Variants in ZCCHC7 observed in about 807,000 individuals in gnomAD.
ZCCHC7 encodes zinc finger CCHC domain-containing protein 7.
In ZCCHC7, 35 loss-of-function variants were observed where a neutral mutation model predicts 52.0. The ratio of observed to expected loss-of-function variants is 0.67; its 90% CI spans 0.51 to 0.89. ZCCHC7 has a LOEUF of 0.89. Ranked by LOEUF, ZCCHC7 falls within the 40% of genes least tolerant of loss-of-function variation. The pLI is 0.00. For missense variants in ZCCHC7, 574 were observed against 649.1 expected (o/e 0.88, Z 1.26); for synonymous variants, 217 against 221.5 (o/e 0.98, Z 0.18).
At chr9:37,342,781 G>A (rs761583789) in intron 6 of ZCCHC7, among the ~76,000 whole-genome samples, 4 of 152,150 alleles carry the variant, frequency 2.6e-5, no homozygotes, top group African/African-American at 9.7e-5. Context: ...TATTATTCCC[G>A]TTTTACAGAT....
intron 5 of ZCCHC7, among the ~76,000 whole-genome samples, chr9:37,310,498 C>T (rs748016308): frequency 3.9e-5 from 6 of 152,146 alleles, no homozygotes; most frequent in Non-Finnish European, 7.3e-5. Flanking sequence ...ATTTAATCCT[C>T]ATAAGCAGGA....
At chr9:37,200,983 G>A (rs1326612443) in intron 2 of ZCCHC7, among the ~76,000 whole-genome samples, 1 of 152,246 alleles carries the variant, frequency 6.6e-6, no homozygotes, top group Non-Finnish European at 1.5e-5. Flanking sequence ...GTGAGGGAAG[G>A]ACAGTGGAGG....
At chr9:37,330,332 T>C (rs1462448524) in intron 6 of ZCCHC7, among the ~76,000 whole-genome samples, 1 of 151,734 alleles carries the variant, frequency 6.6e-6, no homozygotes, top group Non-Finnish European at 1.5e-5. Flanking sequence ...ACAACCTGTA[T>C]ATGAATATAA....
chr9:37,160,852 C>T (rs374187262), intron 2 of ZCCHC7, among the ~76,000 whole-genome samples: 1 of 152,106 alleles, frequency 6.6e-6, no homozygotes, highest in Non-Finnish European at 1.5e-5. Context: ...TGCCATTGCA[C>T]TCTATCCTAG....
Position 37,305,725 on chromosome 9 carries a change from T to C in ZCCHC7, c.951+11T>C, listed in dbSNP as rs1340652579. The C allele has an allele frequency of 6.2e-7, 1 of 1,610,164 alleles. No homozygotes were observed. Among genetic ancestry groups the C allele is most frequent in the Admixed American group, 1.7e-5 (1 of 59,878 alleles). On this transcript the variant is annotated intron_variant, in intron 5 of 8. Coordinates refer to ENST00000336755, the MANE Select transcript of ZCCHC7 (RefSeq NM_032226.3). ...GGCCACTATACAGATGTGAGTATCCTGCATATAACTAATTTGTCAGGCTTT... is the reference window on the plus strand; with the variant it reads ...GGCCACTATACAGATGTGAGTATCCCGCATATAACTAATTTGTCAGGCTTT...
chr9:37,229,160 A>T (rs1717864217), intron 2 of ZCCHC7, among the ~76,000 whole-genome samples: 1 of 152,144 alleles, frequency 6.6e-6, no homozygotes, highest in Non-Finnish European at 1.5e-5. Context: ...TACATTGATA[A>T]TTTAATATTA....
chr9:37,256,091 C>T (rs879556783), intron 2 of ZCCHC7, among the ~76,000 whole-genome samples: 3 of 152,104 alleles, frequency 2.0e-5, no homozygotes, highest in Non-Finnish European at 2.9e-5. Flanking sequence ...GGATAAAATG[C>T]CATTTCTGAC....
intron 2 of ZCCHC7, among the ~76,000 whole-genome samples, chr9:37,291,985 G>A (rs1047494400): frequency 5.3e-5 from 8 of 152,238 alleles, no homozygotes; most frequent in East Asian, 1.9e-4. Context: ...GAGCCACTGC[G>A]CCTGGCCATG....
At chr9:37,197,930 A>G (rs535332350) in intron 2 of ZCCHC7, among the ~76,000 whole-genome samples, 2 of 152,288 alleles carry the variant, frequency 1.3e-5, no homozygotes, top group Non-Finnish European at 2.9e-5. Context: ...GTCATCATGA[A>G]TAATTGTTGA....
chr9:37,138,787 C>T (rs1286416236), intron 2 of ZCCHC7, among the ~76,000 whole-genome samples: 6 of 147,762 alleles, frequency 4.1e-5, no homozygotes, highest in African/African-American at 1.5e-4. Context: ...ATCCTGATGT[C>T]TTTTTAAGTG....
At chr9:37,315,441 C>CGT (rs1829774525) in intron 5 of ZCCHC7, among the ~76,000 whole-genome samples, 1 of 94,014 alleles carries the variant, frequency 1.1e-5, no homozygotes, top group Admixed American at 9.3e-5. Context: ...TAAAAAAAAT[C>CGT]ATAAGCAATA....
intron 2 of ZCCHC7, among the ~76,000 whole-genome samples, chr9:37,192,182 A>G (rs891318099): frequency 1.3e-5 from 2 of 152,048 alleles, no homozygotes; most frequent in Non-Finnish European, 2.9e-5. Flanking sequence ...AGTTTCTCTC[A>G]TATAGGAATT....
At chr9:37,303,291 G>A (rs952431922) in intron 3 of ZCCHC7, among the ~76,000 whole-genome samples, 1 of 152,038 alleles carries the variant, frequency 6.6e-6, no homozygotes, top group Non-Finnish European at 1.5e-5. Flanking sequence ...CAGGTGTGGT[G>A]GCGGGCGCCT....
chr9:37,338,591 G>GT (rs1564264706), intron 6 of ZCCHC7, among the ~76,000 whole-genome samples: 1 of 152,082 alleles, frequency 6.6e-6, no homozygotes, highest in East Asian at 1.9e-4. Context: ...AATAACTAAA[G>GT]CAACACACGT....
At chr9:37,203,109 G>A (rs765108888) in intron 2 of ZCCHC7, among the ~76,000 whole-genome samples, 7 of 152,280 alleles carry the variant, frequency 4.6e-5, no homozygotes, top group African/African-American at 9.6e-5. Flanking sequence ...ATTCTGAGTC[G>A]ATGGACCCAA....
intron 2 of ZCCHC7, among the ~76,000 whole-genome samples, chr9:37,282,536 C>T (rs1828010274): frequency 7.1e-6 from 1 of 140,838 alleles, no homozygotes; most frequent in East Asian, 2.1e-4. Flanking sequence ...ACCTGGGAGG[C>T]AGAGCTTGCA....
chr9:37,264,549 TTAAA>T (rs1285467178), intron 2 of ZCCHC7, among the ~76,000 whole-genome samples: 1 of 152,198 alleles, frequency 6.6e-6, no homozygotes, highest in Non-Finnish European at 1.5e-5. Flanking sequence ...ACAGCAGAAT[TTAAA>T]TAGTTAAATA....
intron 2 of ZCCHC7, among the ~76,000 whole-genome samples, chr9:37,208,349 G>A (rs937015203): frequency 2.1e-4 from 32 of 152,112 alleles, no homozygotes; most frequent in African/African-American, 7.5e-4. Flanking sequence ...GCCTCCCAAA[G>A]TGTTAGGATC....
chr9:37,155,159 G>C (rs2132859421), intron 2 of ZCCHC7, among the ~76,000 whole-genome samples: 1 of 152,226 alleles, frequency 6.6e-6, no homozygotes. Flanking sequence ...AGGAGATCGA[G>C]ACCATCCTGG....
Sources: gnomAD v4.1 joint callset for allele counts (sites outside exome capture counted in the v4.1 genomes callset) on GRCh38, gnomAD v4.1.1 for gene constraint, MANE v1.5 for transcripts, NCBI Gene and HGNC (gene_info 2026-07-23, HGNC 2026-07-21) for gene names.